CPM: variants seen among roughly 807,000 people sequenced by gnomAD.
CPM encodes carboxypeptidase M.
In CPM, 35 loss-of-function variants were observed where a neutral mutation model predicts 46.4. The observed-to-expected ratio is 0.75, with a 90% CI of 0.58 to 1.00. The LOEUF is 1.00. Among genes scored for constraint, CPM ranks in the 50% least tolerant of loss-of-function variants. The probability of loss-of-function intolerance (pLI) is 0.00; values close to 1 mark genes in which losing one functional copy is unlikely to be tolerated. For synonymous variants in CPM, 195 were observed against 195.3 expected (o/e 1.00, Z 0.01); for missense variants, 422 against 530.4 (o/e 0.80, Z 2.01).
chr12:68,905,125 G>C (rs967885586), intron 2 of CPM, among the ~76,000 whole-genome samples: 1 of 152,022 alleles, frequency 6.6e-6, no homozygotes, highest in African/African-American at 2.4e-5. Flanking sequence ...GGCCAGGCTG[G>C]TCTTGAACTC....
intron 2 of CPM, among the ~76,000 whole-genome samples, chr12:68,921,375 C>T (rs945973039): frequency 6.6e-6 from 1 of 152,102 alleles, no homozygotes; most frequent in African/African-American, 2.4e-5. Context: ...CTCCTGGCCT[C>T]AAGTGATCCA....
intron 3 of CPM, among the ~76,000 whole-genome samples, chr12:68,879,986 TG>T (rs1886117915): frequency 6.6e-6 from 1 of 151,934 alleles, no homozygotes; most frequent in African/African-American, 2.4e-5. Context: ...AGGAGCAGAA[TG>T]AGGTGATGGG....
At chr12:68,955,270 G>T (rs1224635996) in intron 1 of CPM, among the ~76,000 whole-genome samples, 1 of 152,176 alleles carries the variant, frequency 6.6e-6, no homozygotes, top group African/African-American at 2.4e-5. Context: ...AGTGATTGTG[G>T]ATATAATTTT....
intron 2 of CPM, among the ~76,000 whole-genome samples, chr12:68,900,448 T>C (rs1887065901): frequency 6.6e-6 from 1 of 152,200 alleles, no homozygotes; most frequent in Non-Finnish European, 1.5e-5. Context: ...GAATGCAAAA[T>C]GGCCAATTTG....
chr12:68,909,981 T>TATA (rs1019105646), intron 2 of CPM, among the ~76,000 whole-genome samples: 159 of 150,130 alleles, frequency 1.1e-3, no homozygotes, highest in South Asian at 3.8e-3. Context: ...AACTTAAAAG[T>TATA]ATAATAATAA....
intron 2 of CPM, among the ~76,000 whole-genome samples, chr12:68,886,476 C>CA (rs1288472559): frequency 6.6e-6 from 1 of 151,950 alleles, no homozygotes; most frequent in Non-Finnish European, 1.5e-5. Flanking sequence ...ACTAAATATA[C>CA]AAAAAATTAG....
intron 2 of CPM, among the ~76,000 whole-genome samples, chr12:68,889,088 T>G (rs760927166): frequency 5.7e-4 from 87 of 152,284 alleles, no homozygotes; most frequent in Middle Eastern, 6.8e-3. Flanking sequence ...ACTCTTGGGG[T>G]AAAGCGTGAA....
intron 1 of CPM, among the ~76,000 whole-genome samples, chr12:68,955,148 C>A (rs889215577): frequency 1.3e-5 from 2 of 152,192 alleles, no homozygotes; most frequent in Admixed American, 1.3e-4. Flanking sequence ...GTGGGCAGAA[C>A]GAGCCCAGGA....
chr12:68,876,893 C>CGTGT (rs59366545), intron 3 of CPM, among the ~76,000 whole-genome samples: 13 of 148,354 alleles, frequency 8.8e-5, no homozygotes, highest in Middle Eastern at 3.5e-3. Context: ...CACGCGCATG[C>CGTGT]GTGTGTGTGT....
chr12:68,915,378 G>A lies in CPM; in HGVS notation c.160+17300C>T, dbSNP rs547444939. On this transcript the variant is annotated intron_variant, in intron 2 of 8. Transcript: ENST00000551568. ...GAAGTCTCATCTCCTTGGCATACAA[G>A]GCTTCTTGCAGCACAGTCCCACCAT... Among the ~76,000 whole-genome samples the A allele has an allele frequency of 3.1e-4, 47 of 152,296 alleles. 1 individual carries two copies. In the South Asian group the frequency reaches 9.5e-3, roughly 31 times the overall value.
Position 68,865,965 on chromosome 12 carries a change from G to A in CPM, c.940+931C>T, listed in dbSNP as rs373643061. Among the ~76,000 whole-genome samples, 16 of 152,234 alleles carry A rather than the reference G, an allele frequency of 1.1e-4. No homozygotes were observed. The East Asian group carries it at 1.2e-3, about 11-fold the overall frequency. ...GCAATCTGTTTTAGCAAGCGCTCCCGGTGAGTCCACTGCACGTTTGAAAGC... is the reference window on the plus strand; with the variant it reads ...GCAATCTGTTTTAGCAAGCGCTCCCAGTGAGTCCACTGCACGTTTGAAAGC... On this transcript the variant is annotated intron_variant, in intron 7 of 8. Transcript: ENST00000551568.
chr12:68,918,521 C>G (rs141145355), intron 2 of CPM, among the ~76,000 whole-genome samples: 259 of 152,282 alleles, frequency 1.7e-3, no homozygotes, highest in African/African-American at 5.9e-3. Context: ...CATAAGAACA[C>G]TTCATACACT....
At chr12:68,885,652 G>C (rs1886394279) in intron 3 of CPM, 140 bp downstream of exon 3, 2 of 663,630 alleles carry the variant, frequency 3.0e-6, no homozygotes, top group Non-Finnish European at 2.6e-6. Flanking sequence ...CTCACAGGAA[G>C]ACCTCTCTGG....
intron 2 of CPM, chr12:68,913,983 G>T: frequency 2.8e-6 from 2 of 720,434 alleles, no homozygotes; most frequent in South Asian, 2.7e-5. Flanking sequence ...CAGCTACACA[G>T]ATATTATTAT....
At chr12:68,936,728 A>G (rs558349729), upstream of CPM, among the ~76,000 whole-genome samples, 7 of 152,352 alleles carry the variant, frequency 4.6e-5, no homozygotes, top group East Asian at 1.9e-4. Flanking sequence ...AGGTAAAACC[A>G]TAATAAAAAG....
intron 2 of CPM, among the ~76,000 whole-genome samples, chr12:68,902,013 C>A (rs369960176): frequency 1.3e-5 from 2 of 152,152 alleles, no homozygotes; most frequent in Admixed American, 6.5e-5. Context: ...CAATGCAGGA[C>A]CAAACCTTTG....
At chr12:68,913,777 G>A in intron 2 of CPM, 1 of 546,906 alleles carries the variant, frequency 1.8e-6, no homozygotes, top group Non-Finnish European at 3.5e-6. Flanking sequence ...AAAATCCCAT[G>A]CGGAAACCCA....
intron 2 of CPM, among the ~76,000 whole-genome samples, chr12:68,895,999 T>C (rs1886859354): frequency 6.6e-6 from 1 of 152,210 alleles, no homozygotes. Context: ...AGATGGCACC[T>C]GATCCCCTCA....
intron 2 of CPM, among the ~76,000 whole-genome samples, chr12:68,917,708 G>GTA (rs1887867588): frequency 6.6e-6 from 1 of 152,206 alleles, no homozygotes. Context: ...TATCAAGACA[G>GTA]TATCATTGTT....
Sources: allele counts gnomAD v4.1 joint callset (sites outside exome capture counted in the v4.1 genomes callset), GRCh38; gene constraint gnomAD v4.1.1; transcripts MANE v1.5; gene names NCBI Gene and HGNC (gene_info 2026-07-23, HGNC 2026-07-21).